CHD2: variants seen among roughly 807,000 people sequenced by gnomAD.
The protein encoded by CHD2 is ATP-dependent chromatin remodeler CHD2.
A neutral mutation model predicts 243.9 loss-of-function variants in CHD2; 28 were observed. The observed-to-expected ratio is 0.11, with a 90% confidence interval of 0.09 to 0.16. The LOEUF is 0.16. Ranked by LOEUF, CHD2 falls within the 10% of genes least tolerant of loss-of-function variation. CHD2 has a pLI of 1.00. For missense variants in CHD2, 1,386 were observed against 2,209.8 expected (o/e 0.63, Z 7.47); for synonymous variants, 775 against 779.0 (o/e 0.99, Z 0.09).
At chr15:93,005,154 C>T (rs1441395195) in intron 34 of CHD2, among the ~76,000 whole-genome samples, 1 of 152,174 alleles carries the variant, frequency 6.6e-6, no homozygotes, top group Non-Finnish European at 1.5e-5. Context: ...AGTTAGATAA[C>T]TACACAAATC....
At chr15:92,932,593 T>G (rs2141762966) in intron 5 of CHD2, among the ~76,000 whole-genome samples, 1 of 152,192 alleles carries the variant, frequency 6.6e-6, no homozygotes, top group Non-Finnish European at 1.5e-5. Context: ...GGTTTCTAGC[T>G]TCATCCATGT....
chr15:93,005,466 C>T (rs1299485736), intron 34 of CHD2, among the ~76,000 whole-genome samples: 1 of 152,100 alleles, frequency 6.6e-6, no homozygotes, highest in East Asian at 1.9e-4. Flanking sequence ...CCATCCCTTC[C>T]CCACCTCTCT....
In CHD2 at chr15:92,946,197, T is replaced by C; in HGVS notation, c.1358T>C (p.Ile453Thr). The C allele has an allele frequency of 6.2e-7, 1 of 1,611,198 alleles. No homozygotes were observed. The highest frequency in any genetic ancestry group is 8.5e-7 in the Non-Finnish European group (1 of 1,178,640). Residue 453 changes from isoleucine to threonine, a missense_variant, in exon 12 of 39, where the codon ATC becomes ACC. Ile to Thr is a moderately conservative substitution (Grantham distance 89). Transcript: ENST00000394196. ...SFHSRNNSKTIPTRECKALKQ... is the reference protein window; with the variant it reads ...SFHSRNNSKTTPTRECKALKQ... ...CACAGTAGGAACAACTCAAAAACCA[T>C]CCCAACAAGAGAATGCAAGGTATGG...
intron 8 of CHD2, among the ~76,000 whole-genome samples, 181 bp from the exon 9 acceptor site, chr15:92,942,662 A>T: frequency 6.6e-6 from 1 of 152,162 alleles, no homozygotes; most frequent in Non-Finnish European, 1.5e-5. Context: ...TTACATTTTT[A>T]AAATACTTGA....
chr15:92,999,314 TG>T (rs1455203613), intron 31 of CHD2, among the ~76,000 whole-genome samples: 2 of 152,206 alleles, frequency 1.3e-5, no homozygotes. Flanking sequence ...TTGTTCTGTC[TG>T]TCTCTGTGGT....
At chr15:92,904,569 G>T (rs746931432) in intron 2 of CHD2, 18 of 1,018,888 alleles carry the variant, frequency 1.8e-5, no homozygotes, top group Non-Finnish European at 2.1e-5. Flanking sequence ...TGGCAGTCTT[G>T]TCCGCCCTTG....
chr15:92,978,736 A>ATGTC (rs915745130), intron 21 of CHD2, among the ~76,000 whole-genome samples: 14 of 152,346 alleles, frequency 9.2e-5, no homozygotes, highest in Admixed American at 5.9e-4. Flanking sequence ...TATACATGAC[A>ATGTC]GTGTTAGCTT....
intron 6 of CHD2, 121 bp downstream of exon 6, chr15:92,937,746 T>TA (rs1755526886): frequency 1.5e-6 from 1 of 688,916 alleles, no homozygotes; most frequent in African/African-American, 1.8e-5. Context: ...TTCTGCGTTT[T>TA]AGATATCTGT....
rs2053019366 is a variant in CHD2 at position 92,924,482 on chromosome 15, C to T, written c.224C>T (p.Ser75Phe). 4 of 1,613,974 alleles carry T rather than the reference C, an allele frequency of 2.5e-6. No homozygotes were observed. The South Asian group carries it at 3.3e-5, about 13-fold the overall frequency. ...ESESESAGSKSQPVLPEAKEK... is the reference protein window; with the variant it reads ...ESESESAGSKFQPVLPEAKEK... ...GAGAGCGAATCAGCAGGTTCCAAAT[C>T]CCAGCCAGTCCTCCCAGAAGCCAAA... is the stretch of plus-strand genomic sequence containing the variant. Residue 75 changes from serine (S) to phenylalanine (F), a missense_variant, in exon 3 of 39, where the codon TCC (serine) becomes TTC (phenylalanine). By Grantham distance (155) the Ser-to-Phe change is radical. Transcript: ENST00000394196.
chr15:92,981,046 C>T (rs768185761), intron 23 of CHD2, 135 bp downstream of exon 23: 10 of 680,162 alleles, frequency 1.5e-5, no homozygotes, highest in Non-Finnish European at 2.3e-5. Context: ...GTTTTTCTTT[C>T]GTAGGAATCT....
rs751206388 is a variant in CHD2 at position 92,972,390 on chromosome 15, C to T, written c.2478C>T (p.Tyr826=). Residue 826 remains tyrosine (Y), a synonymous_variant, in exon 19 of 39, where the codon TAC becomes TAT. Transcript: ENST00000394196. ...MVRMLDILAE[Y]LTIKHYPFQR... ...GAATGTTGGATATCCTGGCTGAATA[C>T]CTAACTATTAAACACTATCCTTTCC... The T allele has an allele frequency of 1.2e-6, 2 of 1,610,218 alleles. No individual in the cohort carries two copies. Among genetic ancestry groups the T allele is most frequent in the South Asian group, 1.1e-5 (1 of 90,706 alleles).
At chr15:93,019,041 A>G (rs2054497483) in intron 37 of CHD2, among the ~76,000 whole-genome samples, 1 of 152,200 alleles carries the variant, frequency 6.6e-6, no homozygotes, top group African/African-American at 2.4e-5. Flanking sequence ...CTTAGGAGAA[A>G]AGGAAGGCTA....
chr15:93,009,533 C>A (rs530878248), intron 35 of CHD2, among the ~76,000 whole-genome samples: 1 of 152,324 alleles, frequency 6.6e-6, no homozygotes, highest in East Asian at 1.9e-4. Context: ...AGGACGATGT[C>A]ATTAATTTAT....
chr15:92,964,651 GACAGGGAGT>G (rs1295732972), intron 16 of CHD2, among the ~76,000 whole-genome samples: 19 of 152,184 alleles, frequency 1.2e-4, no homozygotes, highest in Non-Finnish European at 2.1e-4. Context: ...GGGTGGCTCT[GACAGGGAGT>G]ACACATGACT....
chr15:92,942,998 C>G lies in CHD2; in HGVS notation c.982C>G (p.Gln328Glu). The part of the protein sequence containing the change: ...HSTWESEESL[Q>E]QQKVKGLKKL... ...CACATGGGAGAGTGAAGAATCCTTA[C>G]AGCAACAGAAAGTGAAGGGCCTAAA... The change falls in exon 9 of 39, where the codon CAG becomes GAG. Residue 328 changes from glutamine to glutamate, a missense_variant. Around this residue, in one of 19 missense-constraint regions of CHD2, gnomAD observed 200 missense variants for 292.5 expected, o/e 0.68. Transcript: ENST00000394196. 1 of 1,613,904 alleles carries G rather than the reference C, an allele frequency of 6.2e-7. No individual in the cohort carries two copies. The highest frequency in any genetic ancestry group is 8.5e-7 in the Non-Finnish European group (1 of 1,179,946).
intron 16 of CHD2, among the ~76,000 whole-genome samples, chr15:92,966,762 T>TA (rs1203170158): frequency 5.3e-5 from 8 of 151,936 alleles, no homozygotes; most frequent in South Asian, 2.1e-4. Context: ...AATACAAAAA[T>TA]TAGTTGGGTG....
At chr15:92,944,589 A>G (rs2141791219) in intron 10 of CHD2, 74 bp downstream of exon 10, 1 of 688,492 alleles carries the variant, frequency 1.5e-6, no homozygotes, top group Non-Finnish European at 2.4e-6. Flanking sequence ...GAAGTAATGT[A>G]AATTTTAAAA....
At chr15:92,946,370 G>C in intron 12 of CHD2, 154 bp downstream of exon 12, 1 of 508,326 alleles carries the variant, frequency 2.0e-6, no homozygotes, top group Non-Finnish European at 3.3e-6. Flanking sequence ...AAAGCAAAAG[G>C]AGAGAATGAA....
intron 26 of CHD2, among the ~76,000 whole-genome samples, chr15:92,988,939 C>T (rs2054080130): frequency 6.6e-6 from 1 of 151,130 alleles, no homozygotes; most frequent in African/African-American, 2.4e-5. Flanking sequence ...GATTAGCATC[C>T]TTGTCTTATA....
Sources: allele counts gnomAD v4.1 joint callset (sites outside exome capture counted in the v4.1 genomes callset), GRCh38; gene constraint gnomAD v4.1.1; regional missense constraint gnomAD v4.1.1; transcripts MANE v1.5; gene names NCBI Gene and HGNC (gene_info 2026-07-23, HGNC 2026-07-21).